The following DNAH7 variants were observed in gnomAD, a reference collection of about 807,000 sequenced individuals.
DNAH7 encodes axonemal beta dynein heavy chain 7.
Under a neutral mutation model 444.6 loss-of-function variants are expected in DNAH7, and 397 were observed. The ratio of observed to expected loss-of-function variants is 0.89; its 90% CI spans 0.82 to 0.97. The LOEUF (loss-of-function observed/expected upper bound fraction) is 0.97. DNAH7 is among the 50% of genes least tolerant of loss of function. DNAH7 has a pLI of 0.00. For synonymous variants in DNAH7, 1,636 were observed against 1,624.4 expected, an observed-to-expected ratio of 1.01 and a Z score of -0.17; for missense variants, 4,902 against 4,800.8, an observed-to-expected ratio of 1.02 and a Z score of -0.62.
In DNAH7 at chr2:195,864,539, AT is replaced by A. The variant is rs1205140191; in HGVS notation, c.7115del (p.Asp2372ValfsTer9). 1 of 1,614,154 alleles carries A rather than the reference AT, an allele frequency of 6.2e-7. No homozygotes were observed. The highest frequency in any genetic ancestry group is 2.2e-5 in the East Asian group (1 of 44,876). ...VFQVEISKGYDTTEWHEDLKV... is the reference protein window; with the variant it reads ...VFQVEISKGYXTTEWHEDLKV... ...TTAAATCTTCATGCCATTCAGTAGTATCATACCCCTTAGAGATTTCAACTTG... is the reference window on the plus strand; with the variant it reads ...TTAAATCTTCATGCCATTCAGTAGTACATACCCCTTAGAGATTTCAACTTG... On this transcript the variant is annotated frameshift_variant, in exon 41 of 65. Coordinates refer to ENST00000312428, the MANE Select transcript of DNAH7 (RefSeq NM_018897.3). LOFTEE classifies it high-confidence loss of function.
chr2:195,994,369 G>A (rs1157714741), intron 12 of DNAH7: 2 of 713,358 alleles, frequency 2.8e-6, no homozygotes, highest in Non-Finnish European at 2.3e-6. Context: ...AGGGGAGGCA[G>A]TAAGTTTACA....
intron 24 of DNAH7, among the ~76,000 whole-genome samples, chr2:195,917,266 GAGT>G (rs1378685867): frequency 6.6e-6 from 1 of 152,052 alleles, no homozygotes; most frequent in Non-Finnish European, 1.5e-5. Context: ...CACACTGAGA[GAGT>G]CAAATGGCGG....
chr2:195,954,729 A>G (rs1014589741), intron 19 of DNAH7, among the ~76,000 whole-genome samples: 5 of 152,188 alleles, frequency 3.3e-5, no homozygotes, highest in African/African-American at 7.2e-5. Context: ...TCTAACTGGC[A>G]TGAGATGTTA....
chr2:196,067,192 G>C (rs1698475395), intron 1 of DNAH7, among the ~76,000 whole-genome samples: 1 of 152,132 alleles, frequency 6.6e-6, no homozygotes, highest in Non-Finnish European at 1.5e-5. Flanking sequence ...TTGTAGATGG[G>C]TAAGTTAGGG....
chr2:196,012,409 CT>C (rs1465636106), intron 10 of DNAH7, among the ~76,000 whole-genome samples: 1 of 152,082 alleles, frequency 6.6e-6, no homozygotes. Context: ...AACTCTTCTG[CT>C]TTCCCCATCC....
rs535082983 is a variant in DNAH7, at chr2:195,934,603, G to C, written c.3459C>G (p.Asn1153Lys). 176 of 1,613,918 alleles carry C rather than the reference G, an allele frequency of 1.1e-4. No individual in the cohort carries two copies. The highest frequency in any genetic ancestry group is 1.4e-4 in the Non-Finnish European group (170 of 1,179,942). The change falls in exon 21 of 65, where the codon AAC becomes AAG. Residue 1153 changes from asparagine to lysine, a missense_variant. Transcript: ENST00000312428. ...WLVELERVMI[N>K]SIHKVTGDAT... ...TATAATCAGCTACCTTGTGGATGGAGTTAATCATAACTCTCTCTAATTCAA... is the reference window on the plus strand; with the variant it reads ...TATAATCAGCTACCTTGTGGATGGACTTAATCATAACTCTCTCTAATTCAA...
At chr2:195,740,641 ATATACATATACACACACACATATG>A (rs1692964360) in intron 64 of DNAH7, 101 bp downstream of exon 64, 3 of 87,100 alleles carry the variant, frequency 3.4e-5, no homozygotes, top group African/African-American at 1.5e-4. Flanking sequence ...ATATATATAT[ATATACATATACACACACACATATG>A]TATACACATA....
chr2:195,739,306 G>A (rs2105868687), intron 64 of DNAH7, among the ~76,000 whole-genome samples: 1 of 152,288 alleles, frequency 6.6e-6, no homozygotes, highest in Middle Eastern at 3.4e-3. Flanking sequence ...GCAATTGGCT[G>A]TCAGTTGACC....
rs544829635 is a variant in DNAH7 at position 196,044,783 on chromosome 2, A to C, written c.398+2569T>G. ...ACTCTTTATTCTCATTGAAAGAACT[A>C]CTGGTCAGACACAGTGGCTCACACC... On this transcript the variant is annotated intron_variant, in intron 5 of 64. Transcript: ENST00000312428. 2.6e-5 allele frequency among the ~76,000 whole-genome samples: 4 copies of C among 152,180 alleles called. No homozygotes were observed. In the East Asian group the frequency reaches 5.8e-4, roughly 22 times the overall value.
Position 195,906,658 on chromosome 2 carries a change from C to A in DNAH7, c.4335+1G>T, listed in dbSNP as rs1305880401. On this transcript the variant is annotated splice_donor_variant, in intron 27 of 64. Transcript: ENST00000312428. LOFTEE classifies it high-confidence loss of function. ...AGATTATATAATAACTCCTTCCATACCTTCAGGTTATCTGGCAGTTCTGAT... is the reference window on the plus strand; with the variant it reads ...AGATTATATAATAACTCCTTCCATAACTTCAGGTTATCTGGCAGTTCTGAT... The A allele has an allele frequency of 6.2e-7, 1 of 1,611,004 alleles. No homozygotes were observed. The highest frequency in any genetic ancestry group is 8.5e-7 in the Non-Finnish European group (1 of 1,178,624).
chr2:195,850,459 T>C (rs1476392434), intron 46 of DNAH7, among the ~76,000 whole-genome samples: 6 of 152,242 alleles, frequency 3.9e-5, no homozygotes, highest in African/African-American at 1.4e-4. Flanking sequence ...TGTATATTCA[T>C]AATAGCACTG....
chr2:195,971,673 A>G (rs1691852756), intron 16 of DNAH7, among the ~76,000 whole-genome samples: 1 of 152,158 alleles, frequency 6.6e-6, no homozygotes, highest in African/African-American at 2.4e-5. Context: ...TGACAGGGTT[A>G]CTGAAAAGTC....
intron 48 of DNAH7, among the ~76,000 whole-genome samples, chr2:195,825,706 T>C (rs546974695): frequency 2.0e-5 from 3 of 152,322 alleles, no homozygotes; most frequent in Admixed American, 6.5e-5. Flanking sequence ...ATTTTGGTGT[T>C]TGGGATGCTA....
At chr2:195,786,583 T>C (rs934346737) in intron 58 of DNAH7, among the ~76,000 whole-genome samples, 8 of 151,910 alleles carry the variant, frequency 5.3e-5, no homozygotes, top group African/African-American at 1.9e-4. Context: ...TTTTTTTTTT[T>C]CCTGACAAAT....
chr2:195,851,734 T>C (rs922172322), intron 46 of DNAH7, among the ~76,000 whole-genome samples: 4 of 152,110 alleles, frequency 2.6e-5, no homozygotes, highest in Non-Finnish European at 5.9e-5. Flanking sequence ...CACTGGGTAG[T>C]GCTAATACAC....
chr2:195,827,937 A>G (rs1274333217), intron 48 of DNAH7, among the ~76,000 whole-genome samples: 1 of 152,024 alleles, frequency 6.6e-6, no homozygotes, highest in Admixed American at 6.6e-5. Flanking sequence ...TGTTGTAGAA[A>G]TTTTCAAGGC....
At chr2:195,986,445 A>G (rs1692914284) in intron 14 of DNAH7, among the ~76,000 whole-genome samples, 1 of 152,190 alleles carries the variant, frequency 6.6e-6, no homozygotes, top group South Asian at 2.1e-4. Flanking sequence ...CTGATTATTT[A>G]GAGTTTTTCA....
rs755266750 is a variant in DNAH7, at chr2:195,875,692, C to T, written c.6269G>A (p.Cys2090Tyr). The T allele has an allele frequency of 3.8e-6, 6 of 1,597,340 alleles. No homozygotes were observed. The highest frequency in any genetic ancestry group is 1.3e-5 in the African/African-American group (1 of 74,352). The change falls in exon 38 of 65, where the codon TGT becomes TAT. Residue 2090 changes from cysteine to tyrosine, a missense_variant. Transcript: ENST00000312428. ...AAATGTACCTGGAGGTCCCATAGCA[C>T]ACATGATCTGAATGTCCACTAGTTT... ...MIKLVDIQIM[C>Y]AMGPPGGGRN...
intron 2 of DNAH7, among the ~76,000 whole-genome samples, chr2:196,054,503 C>T (rs999543198): frequency 1.3e-5 from 2 of 152,162 alleles, no homozygotes; most frequent in Admixed American, 1.3e-4. Flanking sequence ...GCCTGGGCAA[C>T]AGAGAGACAC....
Sources: allele counts gnomAD v4.1 joint callset (sites outside exome capture counted in the v4.1 genomes callset), GRCh38; gene constraint gnomAD v4.1.1; transcripts MANE v1.5; gene names NCBI Gene and HGNC (gene_info 2026-07-23, HGNC 2026-07-21).